The following CSMD1 variants were observed in gnomAD, a reference collection of about 807,000 sequenced individuals.
CSMD1 encodes CUB and sushi domain-containing protein 1.
A neutral mutation model predicts 417.5 loss-of-function variants in CSMD1; 213 were observed. The observed-to-expected ratio is 0.51, with a 90% confidence interval of 0.46 to 0.57. The LOEUF (loss-of-function observed/expected upper bound fraction) is 0.57, where lower values mean the gene tolerates loss of function less well. CSMD1 is among the 20% of genes least tolerant of loss of function. CSMD1 has a pLI of 0.00. For synonymous variants in CSMD1, 2,862 were observed against 1,736.8 expected, an observed-to-expected ratio of 1.65 and a Z score of -16.11; for missense variants, 6,923 against 4,529.7, an observed-to-expected ratio of 1.53 and a Z score of -15.17.
chr8:3,332,233 G>C (rs1024878310), intron 23 of CSMD1, among the ~76,000 whole-genome samples: 4 of 152,170 alleles, frequency 2.6e-5, no homozygotes, highest in Non-Finnish European at 5.9e-5. Flanking sequence ...TCCTTAAAAC[G>C]TCATCTCTAA....
At chr8:4,555,592 G>T (rs771977298) in intron 2 of CSMD1, among the ~76,000 whole-genome samples, 1 of 152,066 alleles carries the variant, frequency 6.6e-6, no homozygotes, top group Non-Finnish European at 1.5e-5. Context: ...CTCACTTTGG[G>T]TTTCAGCAGC....
chr8:4,253,661 C>G lies in CSMD1; in HGVS notation c.415+166292G>C, dbSNP rs143833390. On this transcript the variant is annotated intron_variant, in intron 3 of 69. Transcript: ENST00000635120. Reference sequence around the variant, plus strand: ...CAGATCTACTTAATAGACACACAATCGTTTGCAACATACATTGATTCTGCA... The same window carrying G: ...CAGATCTACTTAATAGACACACAATGGTTTGCAACATACATTGATTCTGCA... 2.5e-4 allele frequency among the ~76,000 whole-genome samples: 38 copies of G among 152,010 alleles called. No individual in the cohort carries two copies. The East Asian group carries it at 6.0e-3, about 24-fold the overall frequency.
chr8:3,556,091 C>G (rs1799128555), intron 10 of CSMD1, among the ~76,000 whole-genome samples: 1 of 152,050 alleles, frequency 6.6e-6, no homozygotes, highest in African/African-American at 2.4e-5. Flanking sequence ...CCATATTCCA[C>G]TAACTACATA....
chr8:4,458,151 C>A (rs559488138), intron 2 of CSMD1, among the ~76,000 whole-genome samples: 8 of 152,150 alleles, frequency 5.3e-5, no homozygotes, highest in African/African-American at 1.9e-4. Context: ...GTTTTGCTGT[C>A]TTGAGTGGAT....
intron 3 of CSMD1, among the ~76,000 whole-genome samples, chr8:4,117,054 T>C (rs939490390): frequency 2.6e-5 from 4 of 151,954 alleles, no homozygotes; most frequent in African/African-American, 9.7e-5. Flanking sequence ...CTGTCAGTAG[T>C]TAACCAGAAT....
At chr8:4,348,667 G>C (rs892367786) in intron 3 of CSMD1, among the ~76,000 whole-genome samples, 1 of 150,460 alleles carries the variant, frequency 6.6e-6, no homozygotes, top group Non-Finnish European at 1.5e-5. Context: ...GAGAGAGAGA[G>C]AGACTCTTTT....
chr8:4,934,500 C>G (rs1460285454), intron 1 of CSMD1, among the ~76,000 whole-genome samples: 1 of 152,132 alleles, frequency 6.6e-6, no homozygotes, highest in Non-Finnish European at 1.5e-5. Flanking sequence ...AAGAGCTTAT[C>G]AGAGAGAGCT....
At chr8:4,561,976 G>A (rs930117487) in intron 2 of CSMD1, among the ~76,000 whole-genome samples, 1 of 152,216 alleles carries the variant, frequency 6.6e-6, no homozygotes, top group Non-Finnish European at 1.5e-5. Flanking sequence ...TCCGGTAAAC[G>A]AAGAGAGTTA....
At chr8:4,305,652 C>T (rs191538248) in intron 3 of CSMD1, among the ~76,000 whole-genome samples, 19 of 152,324 alleles carry the variant, frequency 1.2e-4, no homozygotes, top group African/African-American at 4.3e-4. Flanking sequence ...AAAGGCATAA[C>T]ATCCTCAACC....
intron 1 of CSMD1, among the ~76,000 whole-genome samples, chr8:4,825,186 T>G (rs994149253): frequency 3.3e-5 from 5 of 152,230 alleles, no homozygotes; most frequent in African/African-American, 1.2e-4. Flanking sequence ...CTGACATTTT[T>G]GAAGAGATGT....
chr8:4,149,516 G>T (rs1009474505), intron 3 of CSMD1, among the ~76,000 whole-genome samples: 3 of 152,054 alleles, frequency 2.0e-5, no homozygotes, highest in Non-Finnish European at 4.4e-5. Flanking sequence ...AAATACTCAG[G>T]GAACTACCAT....
At chr8:3,147,431 A>G (rs747798327) in intron 40 of CSMD1, among the ~76,000 whole-genome samples, 3 of 152,198 alleles carry the variant, frequency 2.0e-5, no homozygotes, top group Non-Finnish European at 4.4e-5. Context: ...GCTCTTCTAT[A>G]AATTGGAGAA....
intron 3 of CSMD1, among the ~76,000 whole-genome samples, chr8:4,065,484 A>G (rs1410121387): frequency 6.6e-6 from 1 of 152,236 alleles, no homozygotes; most frequent in African/African-American, 2.4e-5. Context: ...ACATTAGCTA[A>G]TACAAAGGTC....
Position 3,652,057 on chromosome 8 carries a change from C to T in CSMD1, c.1010-35260G>A, listed in dbSNP as rs921806948. On this transcript the variant is annotated intron_variant, in intron 7 of 69. Coordinates refer to ENST00000635120, the MANE Select transcript of CSMD1 (RefSeq NM_033225.6). ...CTACCATCACAGCACCCACCACCAT[C>T]GCACTTACCCCCATCAGAGCGCTTA... Among the ~76,000 whole-genome samples the T allele has an allele frequency of 2.0e-4, 30 of 149,758 alleles. 1 individual carries two copies. Among genetic ancestry groups the T allele is most frequent in the Admixed American group, 6.7e-4 (10 of 15,034 alleles).
At chr8:4,161,993 C>G (rs1323250740) in intron 3 of CSMD1, among the ~76,000 whole-genome samples, 1 of 152,122 alleles carries the variant, frequency 6.6e-6, no homozygotes, top group East Asian at 1.9e-4. Context: ...TGGCATTGTG[C>G]CTTTGACTAA....
intron 3 of CSMD1, among the ~76,000 whole-genome samples, chr8:4,212,751 C>CTGTTTT (rs1800395918): frequency 1.0e-5 from 1 of 99,268 alleles, no homozygotes; most frequent in African/African-American, 4.3e-5. Flanking sequence ...CGGCCTTATT[C>CTGTTTT]TTTTTTTTTT....
chr8:4,492,753 A>T (rs1801769155), intron 2 of CSMD1, among the ~76,000 whole-genome samples: 1 of 152,218 alleles, frequency 6.6e-6, no homozygotes, highest in Admixed American at 6.5e-5. Flanking sequence ...ACACCCAAGC[A>T]ACTCTATGGG....
In CSMD1 at chr8:3,509,798, G is replaced by A. The variant is rs534951972; in HGVS notation, c.1345-16072C>T. Reference sequence around the variant, plus strand: ...TGATGCCTTCTGTCCTGGAGCACACGTCTGTCAGCCCACCAGCCAGGTGTG... The same window carrying A: ...TGATGCCTTCTGTCCTGGAGCACACATCTGTCAGCCCACCAGCCAGGTGTG... On this transcript the variant is annotated intron_variant, in intron 10 of 69. Transcript: ENST00000635120. Among the ~76,000 whole-genome samples the A allele has an allele frequency of 6.5e-4, 99 of 152,262 alleles. 2 individuals are homozygous for A. In the South Asian group the frequency reaches 0.019, roughly 30 times the overall value.
chr8:4,317,310 C>T (rs1216164504), intron 3 of CSMD1, among the ~76,000 whole-genome samples: 2 of 152,084 alleles, frequency 1.3e-5, no homozygotes, highest in African/African-American at 4.8e-5. Flanking sequence ...GTATAAATTT[C>T]CTGCTTGCTA....
Sources: allele counts gnomAD v4.1 joint callset (sites outside exome capture counted in the v4.1 genomes callset), GRCh38; gene constraint gnomAD v4.1.1; transcripts MANE v1.5; gene names NCBI Gene and HGNC (gene_info 2026-07-23, HGNC 2026-07-21).